Variants in AIMP2 observed in about 807,000 individuals in gnomAD.
The protein encoded by AIMP2 is aminoacyl tRNA synthase complex-interacting multifunctional protein 2.
In AIMP2, 20 loss-of-function variants were observed where a neutral mutation model predicts 23.4. The ratio of observed to expected loss-of-function variants is 0.85; its 90% CI spans 0.60 to 1.24. AIMP2 has a LOEUF of 1.24. Ranked by LOEUF, AIMP2 falls within the 50% of genes most tolerant of loss-of-function variation. The probability of loss-of-function intolerance (pLI) is 0.00; values close to 1 mark genes in which losing one functional copy is unlikely to be tolerated. For synonymous variants in AIMP2, 210 were observed against 170.4 expected, an observed-to-expected ratio of 1.23 and a Z score of -1.81; for missense variants, 515 against 414.5, an observed-to-expected ratio of 1.24 and a Z score of -2.10.
At chr7:6,016,231 C>A (rs1787023317) in intron 2 of AIMP2, among the ~76,000 whole-genome samples, 1 of 152,154 alleles carries the variant, frequency 6.6e-6, no homozygotes, top group African/African-American at 2.4e-5. Flanking sequence ...TTACAGGCTT[C>A]AGCTAATTTA....
chr7:6,009,688 C>T (rs1390643508), intron 1 of AIMP2, among the ~76,000 whole-genome samples, 190 bp downstream of exon 1: 2 of 151,924 alleles, frequency 1.3e-5, no homozygotes, highest in African/African-American at 4.8e-5. Flanking sequence ...CCGTGGCTCA[C>T]GCCTGTAATC....
At chr7:6,013,961 A>T (rs537887190) in intron 1 of AIMP2, among the ~76,000 whole-genome samples, 1 of 151,870 alleles carries the variant, frequency 6.6e-6, no homozygotes, top group Non-Finnish European at 1.5e-5. Flanking sequence ...CAGGACAAAA[A>T]AAAAAAGACA....
At chr7:6,009,783 T>A (rs1470542429) in intron 1 of AIMP2, among the ~76,000 whole-genome samples, 1 of 150,126 alleles carries the variant, frequency 6.7e-6, no homozygotes, top group African/African-American at 2.4e-5. Context: ...AAACCTCGTC[T>A]CTACTAAAAA....
rs776388344 is a variant in AIMP2, at chr7:6,015,223, T to C, written c.213T>C (p.Ala71=). 1 of 1,614,226 alleles carries C rather than the reference T, an allele frequency of 6.2e-7. No homozygotes were observed. The highest frequency in any genetic ancestry group is 8.5e-7 in the Non-Finnish European group (1 of 1,180,040). Residue 71 remains alanine (A), a synonymous_variant, in exon 2 of 4, where the codon GCT becomes GCC. Transcript: ENST00000223029. ...DILKRLYELK[A]AVDGLSKMIQ... is the part of the protein sequence containing the mutation. ...TAAAACGTCTGTATGAGTTGAAAGC[T>C]GCAGTTGATGGCCTCTCCAAGATGA...
rs1287306405 is a variant in AIMP2 at position 6,023,377 on chromosome 7, T to C, written c.649T>C (p.Leu217=). ...IEGEGNIARF[L]FSLFGQKHNA... is the part of the protein sequence containing the mutation. ...AGGCGAAGGGAACATTGCACGTTTCTTGTTCTCTCTGTTTGGCCAGAAGCA... is the reference window on the plus strand; with the variant it reads ...AGGCGAAGGGAACATTGCACGTTTCCTGTTCTCTCTGTTTGGCCAGAAGCA... The change falls in exon 4 of 4, where the codon TTG becomes CTG. Residue 217 remains leucine, a synonymous_variant. Transcript: ENST00000223029. 1 of 1,614,170 alleles carries C rather than the reference T, an allele frequency of 6.2e-7. No homozygotes were observed. Among genetic ancestry groups the C allele is most frequent in the Non-Finnish European group, 8.5e-7 (1 of 1,180,012 alleles).
chr7:6,018,098 T>C lies in AIMP2; in HGVS notation c.574+53T>C, dbSNP rs1787142455. The stretch of plus-strand genomic sequence containing the variant: ...ACACACAGCTGCCCCTTGAACACCA[T>C]GAGTTTCACCTGCATGAGTCCATTT... On this transcript the variant is annotated intron_variant, in intron 3 of 3. Transcript: ENST00000223029. 2.1e-6 allele frequency: 3 copies of C among 1,432,202 alleles called. No homozygotes were observed. The South Asian group carries it at 3.7e-5, about 18-fold the overall frequency. 88.7% of individuals were successfully genotyped at this position (1,432,202 alleles called of 1,614,324 possible).
intron 1 of AIMP2, among the ~76,000 whole-genome samples, chr7:6,011,259 G>A (rs932534285): frequency 6.6e-6 from 1 of 152,120 alleles, no homozygotes; most frequent in Non-Finnish European, 1.5e-5. Context: ...AAGTTATACT[G>A]GTTTATGCGC....
intron 1 of AIMP2, among the ~76,000 whole-genome samples, chr7:6,012,146 A>G (rs750906014): frequency 4.6e-5 from 7 of 151,890 alleles, no homozygotes; most frequent in South Asian, 4.2e-4. Flanking sequence ...CCAGCTACTC[A>G]GGAGGCTGAG....
At chr7:6,022,740 G>A (rs1787520464) in intron 3 of AIMP2, 1 of 152,482 alleles carries the variant, frequency 6.6e-6, no homozygotes, top group South Asian at 2.1e-4. Context: ...GCAAAGCGGG[G>A]AGTCATGGCT....
rs1313642687 is a variant in AIMP2, at chr7:6,009,356, G to A, written c.-8G>A. 4 of 1,611,690 alleles carry A rather than the reference G, an allele frequency of 2.5e-6. No individual in the cohort carries two copies. The highest frequency in any genetic ancestry group is 3.4e-6 in the Non-Finnish European group (4 of 1,180,028). On this transcript the variant is annotated 5_prime_UTR_variant, in exon 1 of 4. Transcript: ENST00000223029. ...GCACGCGCTACCCCCTTTTGCTTTG[G>A]TTCTGCCATGCCGATGTACCAGGTA... is the stretch of plus-strand genomic sequence containing the variant.
intron 1 of AIMP2, 105 bp downstream of exon 1, chr7:6,009,603 AC>A: frequency 9.7e-7 from 1 of 1,027,720 alleles, no homozygotes; most frequent in Non-Finnish European, 1.3e-6. Flanking sequence ...TCACGGCCCC[AC>A]CCCGGCATCT....
chr7:6,021,998 C>T (rs1414591743), intron 3 of AIMP2, among the ~76,000 whole-genome samples: 1 of 152,214 alleles, frequency 6.6e-6, no homozygotes, highest in African/African-American at 2.4e-5. Flanking sequence ...AGACCAACCC[C>T]TCTTCCTCAG....
At chr7:6,017,676 G>A (rs993465626) in intron 2 of AIMP2, 138 bp from the exon 3 acceptor site, 3 of 703,640 alleles carry the variant, frequency 4.3e-6, no homozygotes, top group South Asian at 1.9e-5. Flanking sequence ...TGGCTGCAAC[G>A]TGGAGATGAC....
At position 6,015,329 on chromosome 7, in the gene AIMP2, G is replaced by T. The variant is rs754061405; in HGVS notation, c.319G>T (p.Asp107Tyr). 19 of 1,614,028 alleles carry T rather than the reference G, an allele frequency of 1.2e-5. No homozygotes were observed. In the Admixed American group the frequency reaches 3.2e-4, roughly 27 times the overall value. ...CACGACTTTAACCACCAATGCGCTG[G>T]ACTTGAATTCAGTGCTTGGGAAGGT... is the stretch of plus-strand genomic sequence containing the variant. Reference protein sequence around the residue: ...EPTTLTTNALDLNSVLGKDYG... With the variant: ...EPTTLTTNALYLNSVLGKDYG... Residue 107 changes from aspartate to tyrosine, a missense_variant, in exon 2 of 4, where the codon GAC (aspartate) becomes TAC (tyrosine). Transcript: ENST00000223029.
Position 6,023,762 on chromosome 7 carries a change from G to C in AIMP2, c.*71G>C. Reference sequence around the variant, plus strand: ...TCTTTCATGCCTATTATCAGTAAGGGGACTTGTATTAGAGTCAGAGTCTTT... The same window carrying C: ...TCTTTCATGCCTATTATCAGTAAGGCGACTTGTATTAGAGTCAGAGTCTTT... On this transcript the variant is annotated 3_prime_UTR_variant, in exon 4 of 4. Transcript: ENST00000223029. The C allele has an allele frequency of 6.2e-7, 1 of 1,610,194 alleles. No individual in the cohort carries two copies. Among genetic ancestry groups the C allele is most frequent in the Non-Finnish European group, 8.5e-7 (1 of 1,177,728 alleles).
At chr7:6,017,087 AATG>A (rs911048427) in intron 2 of AIMP2, 11 of 152,330 alleles carry the variant, frequency 7.2e-5, no homozygotes, top group African/African-American at 2.6e-4. Context: ...CCTCATCATC[AATG>A]ATATCTTGGG....
At chr7:6,015,001 T>C in intron 1 of AIMP2, 145 bp from the exon 2 acceptor site, 1 of 1,500,564 alleles carries the variant, frequency 6.7e-7, no homozygotes, top group Non-Finnish European at 8.9e-7. Context: ...ATTACAGGCG[T>C]GAGCCACCAC....
At chr7:6,014,266 T>C in intron 1 of AIMP2, among the ~76,000 whole-genome samples, 1 of 143,614 alleles carries the variant, frequency 7.0e-6, no homozygotes, top group African/African-American at 2.6e-5. Context: ...TTTTTTTTTT[T>C]TTTTTTTTTG....
In AIMP2 at chr7:6,015,005, C is replaced by T; in HGVS notation, c.136-141C>T. 2.7e-6 allele frequency: 4 copies of T among 1,474,426 alleles called. 1 individual carries two copies. The South Asian group carries it at 3.9e-5, about 14-fold the overall frequency. The allele number at this position is 1,474,426 out of a possible 1,614,324, so 91.3% of individuals were successfully genotyped here. A position where few individuals can be genotyped will look rare whatever the true frequency, so the allele number is the denominator to read the frequency against. On this transcript the variant is annotated intron_variant, in intron 1 of 3. Transcript: ENST00000223029. Reference sequence around the variant, plus strand: ...GAAGTGCTGGGATTACAGGCGTGAGCCACCACACCCAGCCCATAATGTCTT... The same window carrying T: ...GAAGTGCTGGGATTACAGGCGTGAGTCACCACACCCAGCCCATAATGTCTT...
Sources: allele counts gnomAD v4.1 joint callset (sites outside exome capture counted in the v4.1 genomes callset), GRCh38; gene constraint gnomAD v4.1.1; transcripts MANE v1.5; gene names NCBI Gene and HGNC (gene_info 2026-07-23, HGNC 2026-07-21).